The following TACC1 variants were observed in gnomAD, a reference collection of about 807,000 sequenced individuals.
TACC1 encodes transforming acidic coiled-coil containing protein 1.
TACC1 carries 48 observed loss-of-function variants against 84.4 expected under a neutral mutation model. The observed-to-expected ratio is 0.57, with a 90% confidence interval of 0.45 to 0.72. The LOEUF is 0.72. Ranked by LOEUF, TACC1 falls within the 30% of genes least tolerant of loss-of-function variation. The probability of loss-of-function intolerance (pLI) is 0.00; values close to 1 mark genes in which losing one functional copy is unlikely to be tolerated. For synonymous variants in TACC1, 372 were observed against 376.3 expected, an observed-to-expected ratio of 0.99 and a Z score of 0.13; for missense variants, 920 against 973.0, an observed-to-expected ratio of 0.95 and a Z score of 0.72.
In TACC1 at chr8:38,846,688, A is replaced by C. The variant is rs1278387226; in HGVS notation, c.2229-11A>C. 7 of 1,613,820 alleles carry C rather than the reference A, an allele frequency of 4.3e-6. No individual in the cohort carries two copies. The highest frequency in any genetic ancestry group is 5.9e-6 in the Non-Finnish European group (7 of 1,179,908). On this transcript the variant is annotated splice_polypyrimidine_tract_variant and intron_variant, in intron 11 of 12. Transcript: ENST00000317827. ...TTTTGTCTCTTTATTACACCCAAACACCATAAACAGAGCCAATGAAGAGAT... is the reference window on the plus strand; with the variant it reads ...TTTTGTCTCTTTATTACACCCAAACCCCATAAACAGAGCCAATGAAGAGAT...
At chr8:38,729,839 A>G (rs1031710566) in intron 1 of TACC1, among the ~76,000 whole-genome samples, 2 of 152,178 alleles carry the variant, frequency 1.3e-5, no homozygotes, top group African/African-American at 2.4e-5. Flanking sequence ...ACTGCACTTT[A>G]GTCTGGGCAA....
chr8:38,783,081 T>C (rs139481647), upstream of TACC1, among the ~76,000 whole-genome samples: 3,138 of 107,840 alleles, frequency 0.029, 108 homozygotes, highest in African/African-American at 0.12. Context: ...TATCTATCTA[T>C]CTATCTATCT....
rs1389331989 is a variant in TACC1 at position 38,788,622 on chromosome 8, T to TA, written c.162-81dup. 7.1e-6 allele frequency: 8 copies of TA among 1,120,746 alleles called. No homozygotes were observed. In the African/African-American group the frequency reaches 1.2e-4, roughly 17 times the overall value. 69.4% of individuals were successfully genotyped at this position (1,120,746 alleles called of 1,614,324 possible). A position where few individuals can be genotyped will look rare whatever the true frequency, so the allele number is the denominator to read the frequency against. ...AAGTTAGACAAAAGTGCTGGACTTT[T>TA]AGCCTCTGTGAATATGTAGATTTCA... is the stretch of plus-strand genomic sequence containing the variant. On this transcript the variant is annotated intron_variant, in intron 1 of 12. Coordinates refer to ENST00000317827, the MANE Select transcript of TACC1 (RefSeq NM_006283.3).
intron 2 of TACC1, among the ~76,000 whole-genome samples, chr8:38,818,391 T>C (rs1825911340): frequency 1.3e-5 from 2 of 152,210 alleles, no homozygotes; most frequent in African/African-American, 4.8e-5. Flanking sequence ...GTGCTACTCT[T>C]GTTTCAGATA....
chr8:38,829,596 ATAT>A lies in TACC1; in HGVS notation c.1661-1525_1661-1523del, dbSNP rs373939631. Among the ~76,000 whole-genome samples, 470 of 152,262 alleles carry A rather than the reference ATAT, an allele frequency of 3.1e-3. 2 individuals are homozygous for A. Among genetic ancestry groups the A allele is most frequent in the African/African-American group, 0.011 (438 of 41,538 alleles). Reference sequence around the variant, plus strand: ...GCAGTGTGTTAATTACAGGAAGGTAATATTATAAACTTACTGAGGTTAGAGACT... The same window carrying A: ...GCAGTGTGTTAATTACAGGAAGGTAATATAAACTTACTGAGGTTAGAGACT... On this transcript the variant is annotated intron_variant, in intron 5 of 12. Coordinates refer to ENST00000317827, the MANE Select transcript of TACC1 (RefSeq NM_006283.3).
At chr8:38,834,793 A>G (rs1032231617) in intron 6 of TACC1, among the ~76,000 whole-genome samples, 2 of 152,202 alleles carry the variant, frequency 1.3e-5, no homozygotes, top group African/African-American at 4.8e-5. Context: ...CCACTCATCT[A>G]CGTTCACCTT....
chr8:38,767,419 C>T (rs1299353163), intron 3 of TACC1, among the ~76,000 whole-genome samples: 1 of 152,070 alleles, frequency 6.6e-6, no homozygotes, highest in Non-Finnish European at 1.5e-5. Context: ...TAACCTGGGC[C>T]CTTTACAGTT....
At position 38,843,341 on chromosome 8, in the gene TACC1, A is replaced by C; in HGVS notation, c.2174A>C (p.Gln725Pro). ...CAQDYLARVK[Q>P]EEQRYQALKI... is the part of the protein sequence containing the mutation. ...CAGGATTACTTAGCCAGAGTTAAAC[A>C]AGAGGAGCAGCGATACCAGGCCCTG... is the stretch of plus-strand genomic sequence containing the variant. Residue 725 changes from glutamine to proline, a missense_variant, in exon 11 of 13, where the codon CAA becomes CCA. By Grantham distance (76) the Gln-to-Pro change is moderately conservative. Transcript: ENST00000317827. 3 of 1,609,666 alleles carry C rather than the reference A, an allele frequency of 1.9e-6. No homozygotes were observed. Among genetic ancestry groups the C allele is most frequent in the Non-Finnish European group, 1.7e-6 (2 of 1,177,864 alleles).
At chr8:38,835,456 G>T (rs546927946) in intron 6 of TACC1, among the ~76,000 whole-genome samples, 6 of 152,190 alleles carry the variant, frequency 3.9e-5, no homozygotes, top group Non-Finnish European at 5.9e-5. Flanking sequence ...CCAGAAGGGA[G>T]TGGAAAACTT....
Position 38,819,893 on chromosome 8 carries a change from A to G in TACC1, c.649A>G (p.Asn217Asp). 1 of 1,614,106 alleles carries G rather than the reference A, an allele frequency of 6.2e-7. No individual in the cohort carries two copies. Among genetic ancestry groups the G allele is most frequent in the Non-Finnish European group, 8.5e-7 (1 of 1,180,040 alleles). Reference sequence around the variant, plus strand: ...CGCAGAAGCTGATCTAAAAGCTGGCAACTCCTGTCCAGAGCTTGTGCCCAG... The same window carrying G: ...CGCAGAAGCTGATCTAAAAGCTGGCGACTCCTGTCCAGAGCTTGTGCCCAG... ...ASAEADLKAG[N>D]SCPELVPSRR... The change falls in exon 3 of 13, where the codon AAC becomes GAC. Residue 217 changes from asparagine to aspartate, a missense_variant. Asn to Asp is a conservative substitution (Grantham distance 23). Around this residue, in one of 2 missense-constraint regions of TACC1, gnomAD observed 762 missense variants for 747.3 expected, o/e 1.02. Coordinates refer to ENST00000317827, the MANE Select transcript of TACC1 (RefSeq NM_006283.3).
chr8:38,788,506 G>C (rs113885745), intron 1 of TACC1, 198 bp from the exon 2 acceptor site: 1 of 490,036 alleles, frequency 2.0e-6, no homozygotes, highest in Admixed American at 3.7e-5. Context: ...AGAGAGACAG[G>C]ATGCCAGCCT....
chr8:38,787,943 C>A (rs1587683215), intron 1 of TACC1, among the ~76,000 whole-genome samples, 200 bp downstream of exon 1: 2 of 152,206 alleles, frequency 1.3e-5, no homozygotes, highest in African/African-American at 2.4e-5. Context: ...GCCCCCGTTT[C>A]GCTAGGAGAG....
chr8:38,749,247 C>T (rs566758699), intron 3 of TACC1, among the ~76,000 whole-genome samples: 27 of 152,112 alleles, frequency 1.8e-4, no homozygotes, highest in Middle Eastern at 3.4e-3. Flanking sequence ...CTTGAACAGC[C>T]CTGTATCAAT....
intron 2 of TACC1, among the ~76,000 whole-genome samples, chr8:38,799,301 G>A (rs1467850055): frequency 1.3e-5 from 2 of 152,366 alleles, no homozygotes; most frequent in East Asian, 1.9e-4. Flanking sequence ...CTCAGTATGC[G>A]ACAGATGAGG....
intron 3 of TACC1, among the ~76,000 whole-genome samples, chr8:38,775,516 G>A (rs1255081499): frequency 2.0e-5 from 3 of 152,128 alleles, no homozygotes; most frequent in Admixed American, 6.5e-5. Context: ...TCTGGTGAAG[G>A]CTGACCTCCT....
chr8:38,753,792 C>T (rs1333962391), intron 3 of TACC1, among the ~76,000 whole-genome samples: 1 of 152,132 alleles, frequency 6.6e-6, no homozygotes, highest in Admixed American at 6.5e-5. Flanking sequence ...CAGAGATGCC[C>T]TTTGGGTCCC....
chr8:38,813,616 C>T (rs1824750705), intron 2 of TACC1, among the ~76,000 whole-genome samples: 1 of 152,234 alleles, frequency 6.6e-6, no homozygotes, highest in African/African-American at 2.4e-5. Flanking sequence ...ACTCCAATCA[C>T]ATGTTAGAAA....
At chr8:38,732,140 A>C (rs1015138760) in intron 1 of TACC1, among the ~76,000 whole-genome samples, 1 of 145,258 alleles carries the variant, frequency 6.9e-6, no homozygotes, top group African/African-American at 2.7e-5. Context: ...AAAAGAAAGA[A>C]AAGAAAAGAA....
chr8:38,737,985 C>T (rs1806304194), intron 1 of TACC1, among the ~76,000 whole-genome samples: 2 of 152,116 alleles, frequency 1.3e-5, no homozygotes, highest in South Asian at 4.1e-4. Flanking sequence ...CCTCAGCCTC[C>T]CAAAGTGCTG....
Sources: allele counts gnomAD v4.1 joint callset (sites outside exome capture counted in the v4.1 genomes callset), GRCh38; gene constraint gnomAD v4.1.1; regional missense constraint gnomAD v4.1.1; transcripts MANE v1.5; gene names NCBI Gene and HGNC (gene_info 2026-07-23, HGNC 2026-07-21).